Variants in ANKS1B observed in about 807,000 individuals in gnomAD.
ANKS1B encodes ankyrin repeat and sterile alpha motif domain-containing protein 1B.
In ANKS1B, 36 loss-of-function variants were observed where a neutral mutation model predicts 148.3. The observed-to-expected ratio is 0.24, with a 90% CI of 0.19 to 0.32. The LOEUF is 0.32. Ranked by LOEUF, ANKS1B falls within the 10% of genes least tolerant of loss-of-function variation. ANKS1B has a pLI of 1.00. For missense variants in ANKS1B, 1,157 were observed against 1,542.6 expected (o/e 0.75, Z 4.19); for synonymous variants, 542 against 560.8 (o/e 0.97, Z 0.47).
At chr12:99,713,488 A>C (rs924731066) in intron 8 of ANKS1B, among the ~76,000 whole-genome samples, 36 of 152,126 alleles carry the variant, frequency 2.4e-4, no homozygotes, top group African/African-American at 8.2e-4. Flanking sequence ...CCACATTTTC[A>C]ACAGTTTGCT....
At chr12:99,273,112 C>A (rs2077232561) in intron 12 of ANKS1B, among the ~76,000 whole-genome samples, 1 of 152,202 alleles carries the variant, frequency 6.6e-6, no homozygotes, top group Non-Finnish European at 1.5e-5. Flanking sequence ...GATTGCATTT[C>A]TTGAGTAGGG....
rs143357800 is a variant in ANKS1B at position 99,583,274 on chromosome 12, G to C, written c.1272+71793C>G. Among the ~76,000 whole-genome samples, 5 of 152,262 alleles carry C rather than the reference G, an allele frequency of 3.3e-5. No homozygotes were observed. In the East Asian group the frequency reaches 9.6e-4, roughly 29 times the overall value. On this transcript the variant is annotated intron_variant, in intron 9 of 26. Transcript: ENST00000683438. ...ACACAACTGATTATTCTTAGTGTGT[G>C]AGCTGAGTAATGAAAAACCTACAGA...
At chr12:98,750,029 G>A (rs1455653915) in intron 26 of ANKS1B, among the ~76,000 whole-genome samples, 1 of 152,134 alleles carries the variant, frequency 6.6e-6, no homozygotes. Flanking sequence ...TGAGAGAAGA[G>A]CTTTGAGGGG....
At position 98,978,265 on chromosome 12, in the gene ANKS1B, T is replaced by G. The variant is rs547019426; in HGVS notation, c.2778+74892A>C. Among the ~76,000 whole-genome samples the G allele has an allele frequency of 4.6e-5, 7 of 152,314 alleles. No individual in the cohort carries two copies. The East Asian group carries it at 1.3e-3, about 29-fold the overall frequency. ...TCAATGTCTGCCTTCTTTTGGATTATTTGTTTTAGTATTCCATTTTATTTC... is the reference window on the plus strand; with the variant it reads ...TCAATGTCTGCCTTCTTTTGGATTAGTTGTTTTAGTATTCCATTTTATTTC... On this transcript the variant is annotated intron_variant, in intron 17 of 26. Transcript: ENST00000683438.
intron 9 of ANKS1B, among the ~76,000 whole-genome samples, chr12:99,562,010 C>T (rs1410488398): frequency 6.6e-6 from 1 of 152,168 alleles, no homozygotes; most frequent in Non-Finnish European, 1.5e-5. Context: ...AATCCTTGAT[C>T]CACGGGCTTG....
At chr12:99,061,277 T>C (rs1356141326) in intron 16 of ANKS1B, among the ~76,000 whole-genome samples, 2 of 152,232 alleles carry the variant, frequency 1.3e-5, no homozygotes, top group East Asian at 3.8e-4. Flanking sequence ...TCCTCTTTTT[T>C]CTTCATCTTC....
At chr12:99,307,992 A>G (rs1261407476) in intron 12 of ANKS1B, among the ~76,000 whole-genome samples, 3 of 152,050 alleles carry the variant, frequency 2.0e-5, no homozygotes, top group Non-Finnish European at 4.4e-5. Context: ...ACAACATCAA[A>G]TAAGCCTTGT....
intron 17 of ANKS1B, among the ~76,000 whole-genome samples, chr12:98,909,843 C>T (rs528168431): frequency 6.6e-6 from 1 of 152,302 alleles, no homozygotes; most frequent in South Asian, 2.1e-4. Context: ...CAAGTCAAGA[C>T]CAAAGGAGCA....
chr12:99,064,042 C>A (rs951878916), intron 16 of ANKS1B, among the ~76,000 whole-genome samples: 2 of 152,184 alleles, frequency 1.3e-5, no homozygotes, highest in African/African-American at 4.8e-5. Context: ...GTGGTAACCC[C>A]TCTATTATTT....
intron 9 of ANKS1B, among the ~76,000 whole-genome samples, chr12:99,546,201 C>A (rs767147027): frequency 3.3e-5 from 5 of 152,020 alleles, no homozygotes; most frequent in African/African-American, 7.2e-5. Flanking sequence ...GAAGTGAAAT[C>A]TAAGAGAAAT....
intron 8 of ANKS1B, among the ~76,000 whole-genome samples, chr12:99,701,237 G>T (rs7311717): frequency 0.19 from 28,775 of 151,918 alleles, 3,209 homozygotes; most frequent in East Asian, 0.46. Context: ...TGCACTTTGG[G>T]GTTGCAAAAT....
chr12:99,246,515 C>G lies in ANKS1B; in HGVS notation c.2106G>C (p.Trp702Cys). Residue 702 changes from tryptophan to cysteine, a missense_variant, in exon 13 of 27, where the codon TGG becomes TGC. Trp to Cys is a radical substitution (Grantham distance 215). Transcript: ENST00000683438. ...CCACAAATCCCCCTGCGTTCATAAC[C>G]CACTGGTCCCCATTCCGAGATCCAC... ...TRSGSRNGDQ[W>C]VMNAGGFVER... is the part of the protein sequence containing the mutation. The G allele has an allele frequency of 6.2e-7, 1 of 1,613,140 alleles. No homozygotes were observed. Among genetic ancestry groups the G allele is most frequent in the Non-Finnish European group, 8.5e-7 (1 of 1,179,638 alleles).
At chr12:99,930,974 A>C (rs2094597914) in intron 1 of ANKS1B, among the ~76,000 whole-genome samples, 1 of 152,254 alleles carries the variant, frequency 6.6e-6, no homozygotes, top group Admixed American at 6.5e-5. Flanking sequence ...CTGGATTAAG[A>C]AAATGTGGCA....
At chr12:98,921,367 T>C (rs1204651923) in intron 17 of ANKS1B, among the ~76,000 whole-genome samples, 1 of 152,212 alleles carries the variant, frequency 6.6e-6, no homozygotes, top group Non-Finnish European at 1.5e-5. Context: ...GTACATTCTC[T>C]ATAATATTGT....
At chr12:98,995,184 C>T (rs773353459) in intron 17 of ANKS1B, among the ~76,000 whole-genome samples, 13 of 151,966 alleles carry the variant, frequency 8.6e-5, no homozygotes, top group Middle Eastern at 3.2e-3. Flanking sequence ...TAGTACTACC[C>T]GACATATATT....
intron 17 of ANKS1B, among the ~76,000 whole-genome samples, chr12:99,037,746 G>A (rs1280322124): frequency 6.6e-6 from 1 of 152,158 alleles, no homozygotes; most frequent in Non-Finnish European, 1.5e-5. Context: ...AGGTCAGTGT[G>A]AAAAAGCTGT....
intron 8 of ANKS1B, among the ~76,000 whole-genome samples, chr12:99,765,996 G>A (rs1280295961): frequency 6.6e-6 from 1 of 152,134 alleles, no homozygotes; most frequent in East Asian, 1.9e-4. Context: ...TTAACTGCTA[G>A]ACTAAGTTAT....
chr12:99,141,400 T>C (rs1215474611), intron 15 of ANKS1B, among the ~76,000 whole-genome samples: 1 of 151,924 alleles, frequency 6.6e-6, no homozygotes, highest in Non-Finnish European at 1.5e-5. Flanking sequence ...TCTAGTCTCA[T>C]TTCTTTTTTT....
chr12:99,416,749 T>A (rs1029059659), intron 11 of ANKS1B, among the ~76,000 whole-genome samples: 4 of 152,256 alleles, frequency 2.6e-5, no homozygotes, highest in Non-Finnish European at 5.9e-5. Flanking sequence ...ATATTATTCT[T>A]TGTTAGATAT....
Sources: gnomAD v4.1 joint callset for allele counts (sites outside exome capture counted in the v4.1 genomes callset) on GRCh38, gnomAD v4.1.1 for gene constraint, MANE v1.5 for transcripts, NCBI Gene and HGNC (gene_info 2026-07-23, HGNC 2026-07-21) for gene names.